BCAS3: variants seen among roughly 807,000 people sequenced by gnomAD.
BCAS3 encodes BCAS4/BCAS3 fusion.
A neutral mutation model predicts 116.1 loss-of-function variants in BCAS3; 53 were observed. That is an observed-to-expected ratio of 0.46 (90% CI 0.37 to 0.57). The LOEUF is 0.57. Ranked by LOEUF, BCAS3 falls within the 20% of genes least tolerant of loss-of-function variation. The probability of loss-of-function intolerance (pLI) is 0.00; values close to 1 mark genes in which losing one functional copy is unlikely to be tolerated. For missense variants in BCAS3, 917 were observed against 1,165.4 expected (o/e 0.79, Z 3.10); for synonymous variants, 391 against 408.2 (o/e 0.96, Z 0.51).
rs923989179 is a variant in BCAS3, at chr17:61,037,132, G to GA, written c.1763-749dup. ...TAAGTTCTAAATTTAAGTCTTCTGA[G>GA]AAAAAAAATAGATGAGACATTAGGC... is the stretch of plus-strand genomic sequence containing the variant. On this transcript the variant is annotated intron_variant, in intron 17 of 23. Transcript: ENST00000407086. The surrounding 1 kb of genome is among the most constrained non-coding windows in gnomAD (Gnocchi z 4.7). Among the ~76,000 whole-genome samples the GA allele has an allele frequency of 6.6e-6, 1 of 151,756 alleles. No homozygotes were observed. The highest frequency in any genetic ancestry group is 2.4e-5 in the African/African-American group (1 of 41,298).
chr17:61,221,324 T>TA (rs750961170), intron 22 of BCAS3, among the ~76,000 whole-genome samples: 20 of 152,308 alleles, frequency 1.3e-4, no homozygotes, highest in Non-Finnish European at 2.2e-4. Flanking sequence ...AATTGGTTTT[T>TA]ATCATTATCA....
intron 22 of BCAS3, among the ~76,000 whole-genome samples, chr17:61,099,594 T>G (rs1397698506): frequency 6.6e-6 from 1 of 152,252 alleles, no homozygotes; most frequent in African/African-American, 2.4e-5. Context: ...TATGTTATGC[T>G]TTTAAAGCAG....
In BCAS3 at chr17:61,261,526, A is replaced by G. The variant is rs1166520179; in HGVS notation, c.2426-106801A>G. Among the ~76,000 whole-genome samples the G allele has an allele frequency of 6.6e-6, 1 of 152,112 alleles. No individual in the cohort carries two copies. The highest frequency in any genetic ancestry group is 1.5e-5 in the Non-Finnish European group (1 of 68,004). ...TTTCCAACCTCATTACTCTTCTGTT[A>G]TTACATTCATTAGAAAAAAGAGCTG... On this transcript the variant is annotated intron_variant, in intron 22 of 23. Coordinates refer to ENST00000407086, the MANE Select transcript of BCAS3 (RefSeq NM_017679.5). The surrounding 1 kb of genome is among the most constrained non-coding windows in gnomAD (Gnocchi z 4.4).
At chr17:61,045,945 AT>A (rs2068123010) in intron 19 of BCAS3, among the ~76,000 whole-genome samples, 1 of 12,064 alleles carries the variant, frequency 8.3e-5, no homozygotes, top group Non-Finnish European at 1.1e-4. Flanking sequence ...TATATATATT[AT>A]ATATATAAAT....
chr17:60,698,566 A>C (rs190666380), intron 4 of BCAS3, among the ~76,000 whole-genome samples: 1 of 152,310 alleles, frequency 6.6e-6, no homozygotes, highest in East Asian at 1.9e-4. Context: ...AATAAGAAAA[A>C]GGAGATTTTG....
rs1348415470 is a variant in BCAS3, at chr17:60,995,047, G to A, written c.1486+4812G>A. ...GGCTGGAGTGCAGTGGCGCCATCTC[G>A]GCTCACTGCAAGCTCCGCCTCCTGG... On this transcript the variant is annotated intron_variant, in intron 15 of 23. Transcript: ENST00000407086. This position sits in a 1 kb window ranked among gnomAD's most constrained non-coding sequence, Gnocchi z 4.7. Among the ~76,000 whole-genome samples the A allele has an allele frequency of 5.3e-5, 8 of 152,006 alleles. No homozygotes were observed. Among genetic ancestry groups the A allele is most frequent in the African/African-American group, 9.7e-5 (4 of 41,400 alleles).
Position 61,063,259 on chromosome 17 carries a change from G to GT in BCAS3, c.2030-11654dup, listed in dbSNP as rs1409695127. The stretch of plus-strand genomic sequence containing the variant: ...AGCCATGGTTTATTTACAGTTTTTT[G>GT]TTTTTTTGTTGTTTTGGTTTTTTTT... On this transcript the variant is annotated intron_variant, in intron 19 of 23. Transcript: ENST00000407086. The surrounding 1 kb of genome is among the most constrained non-coding windows in gnomAD (Gnocchi z 5.3). 1.3e-5 allele frequency among the ~76,000 whole-genome samples: 2 copies of GT among 150,834 alleles called. No homozygotes were observed. The highest frequency in any genetic ancestry group is 2.4e-5 in the African/African-American group (1 of 40,994).
In BCAS3 at chr17:61,156,543, CT is replaced by C. The variant is rs2077850572; in HGVS notation, c.2425+71981del. Among the ~76,000 whole-genome samples the C allele has an allele frequency of 6.6e-6, 1 of 152,092 alleles. No individual in the cohort carries two copies. Among genetic ancestry groups the C allele is most frequent in the Admixed American group, 6.6e-5 (1 of 15,262 alleles). Reference sequence around the variant, plus strand: ...TCAGACTGAGGTTGGAACGGGCTTGCTTCTCTCTCTCACCTTCTCCCTACCC... The same window carrying C: ...TCAGACTGAGGTTGGAACGGGCTTGCTCTCTCTCTCACCTTCTCCCTACCC... On this transcript the variant is annotated intron_variant, in intron 22 of 23. Coordinates refer to ENST00000407086, the MANE Select transcript of BCAS3 (RefSeq NM_017679.5). The surrounding 1 kb of genome is among the most constrained non-coding windows in gnomAD (Gnocchi z 4.7).
intron 7 of BCAS3, among the ~76,000 whole-genome samples, chr17:60,823,293 G>A (rs570518268): frequency 6.6e-6 from 1 of 152,116 alleles, no homozygotes; most frequent in Non-Finnish European, 1.5e-5. Context: ...TGATTTTACA[G>A]CAAGGGAATC....
chr17:60,991,746 C>T (rs1432127387), intron 15 of BCAS3, among the ~76,000 whole-genome samples: 1 of 152,144 alleles, frequency 6.6e-6, no homozygotes, highest in Non-Finnish European at 1.5e-5. Context: ...AAAAGGAAAC[C>T]ACATATTCTT....
intron 5 of BCAS3, among the ~76,000 whole-genome samples, chr17:60,735,730 A>T (rs2040888532): frequency 6.6e-6 from 1 of 152,200 alleles, no homozygotes; most frequent in Non-Finnish European, 1.5e-5. Context: ...CTGGGATTAC[A>T]GGTTAAGTGA....
chr17:60,772,905 G>T (rs967595033), intron 6 of BCAS3, among the ~76,000 whole-genome samples: 2 of 152,114 alleles, frequency 1.3e-5, no homozygotes, highest in African/African-American at 4.8e-5. Context: ...CGTGAAGCAA[G>T]TAAGTTTCAT....
chr17:61,292,958 A>C (rs2052573063), intron 22 of BCAS3, among the ~76,000 whole-genome samples: 1 of 152,204 alleles, frequency 6.6e-6, no homozygotes, highest in South Asian at 2.1e-4. Flanking sequence ...CGTAAGCAAT[A>C]ACCAATGTTC....
Position 60,956,661 on chromosome 17 carries a change from A to G in BCAS3, c.1221+9309A>G, listed in dbSNP as rs1312256069. Among the ~76,000 whole-genome samples, 5 of 152,228 alleles carry G rather than the reference A, an allele frequency of 3.3e-5. No homozygotes were observed. Among genetic ancestry groups the G allele is most frequent in the Non-Finnish European group, 5.9e-5 (4 of 68,028 alleles). On this transcript the variant is annotated intron_variant, in intron 14 of 23. Transcript: ENST00000407086. The surrounding 1 kb of genome is among the most constrained non-coding windows in gnomAD (Gnocchi z 4.2). ...TGTAGTGCAAATGTTTGCTAATGCC[A>G]GTGATGTTCCTACTTAACAGGTAGG... is the stretch of plus-strand genomic sequence containing the variant.
At chr17:60,704,752 C>T (rs112637623) in intron 4 of BCAS3, among the ~76,000 whole-genome samples, 11 of 151,450 alleles carry the variant, frequency 7.3e-5, no homozygotes, top group Non-Finnish European at 1.6e-4. Flanking sequence ...GCAGGAGAAT[C>T]GCTTGGACCA....
At chr17:60,920,027 G>A (rs1248050147) in intron 12 of BCAS3, among the ~76,000 whole-genome samples, 2 of 152,014 alleles carry the variant, frequency 1.3e-5, no homozygotes, top group Non-Finnish European at 2.9e-5. Flanking sequence ...TATATTAATG[G>A]CAAATGTATC....
intron 14 of BCAS3, among the ~76,000 whole-genome samples, chr17:60,988,852 A>G (rs1350150444): frequency 6.6e-6 from 1 of 151,718 alleles, no homozygotes; most frequent in Non-Finnish European, 1.5e-5. Flanking sequence ...TCATTTTGTT[A>G]ATCTTTTGTA....
intron 20 of BCAS3, among the ~76,000 whole-genome samples, chr17:61,076,721 G>A (rs2072029039): frequency 6.6e-6 from 1 of 152,206 alleles, no homozygotes; most frequent in Non-Finnish European, 1.5e-5. Flanking sequence ...ACAGGCATCT[G>A]TTTACCTCTG....
At chr17:60,860,466 T>C (rs1281238397) in intron 7 of BCAS3, among the ~76,000 whole-genome samples, 1 of 152,202 alleles carries the variant, frequency 6.6e-6, no homozygotes, top group East Asian at 1.9e-4. Flanking sequence ...TGTGCTGTGC[T>C]GAAGCTCTTT....
Sources: gnomAD v4.1 joint callset for allele counts (sites outside exome capture counted in the v4.1 genomes callset) on GRCh38, gnomAD v4.1.1 for gene constraint, Gnocchi (gnomAD v3.1) non-coding constraint, MANE v1.5 for transcripts, NCBI Gene and HGNC (gene_info 2026-07-23, HGNC 2026-07-21) for gene names.